ELAVL2: variants seen among roughly 807,000 people sequenced by gnomAD.
The protein encoded by ELAVL2 is ELAV like RNA binding protein 2.
A neutral mutation model predicts 34.6 loss-of-function variants in ELAVL2; 4 were observed. That is an observed-to-expected ratio of 0.12 (90% CI 0.06 to 0.26). The LOEUF is 0.26. ELAVL2 is among the 10% of genes least tolerant of loss of function. ELAVL2 has a pLI of 1.00. For synonymous variants in ELAVL2, 193 were observed against 154.8 expected (o/e 1.25, Z -1.83); for missense variants, 432 against 442.8 (o/e 0.98, Z 0.22).
chr9:23,832,393 A>C, the ELAVL2 span: 1 of 152,154 alleles, frequency 6.6e-6, no homozygotes, highest in Non-Finnish European at 1.5e-5. Flanking sequence ...TTCTTACCGC[A>C]CACTTTATAT....
At chr9:23,817,178 T>C (rs1250599042) in intron 1 of ELAVL2, among the ~76,000 whole-genome samples, 1 of 152,148 alleles carries the variant, frequency 6.6e-6, no homozygotes, top group African/African-American at 2.4e-5. Flanking sequence ...CTCCTATTCA[T>C]TTTCAGTCAG....
Position 23,704,910 on chromosome 9 carries a change from C to G in ELAVL2, c.487+8G>C, listed in dbSNP as rs754743473. The G allele has an allele frequency of 7.4e-6, 12 of 1,613,930 alleles. No individual in the cohort carries two copies. The highest frequency in any genetic ancestry group is 3.3e-5 in the South Asian group (3 of 91,070). ...GGGAAAGACTGTCCGGAGTGGCTGT[C>G]TACTTACCAGTGACCTGGTCGACAA... On this transcript the variant is annotated splice_region_variant and intron_variant, in intron 4 of 6. Transcript: ENST00000397312.
At chr9:23,716,978 T>C (rs540510587) in intron 3 of ELAVL2, among the ~76,000 whole-genome samples, 41 of 152,290 alleles carry the variant, frequency 2.7e-4, no homozygotes, top group African/African-American at 9.1e-4. Flanking sequence ...ACAATCTAAA[T>C]GTTGGTAAGT....
At chr9:23,742,405 CAT>C (rs1564209302) in intron 2 of ELAVL2, among the ~76,000 whole-genome samples, 1 of 152,170 alleles carries the variant, frequency 6.6e-6, no homozygotes, top group Non-Finnish European at 1.5e-5. Context: ...CAAAATTACA[CAT>C]GCCTTGTGAA....
At chr9:23,720,212 A>T (rs1335829978) in intron 3 of ELAVL2, among the ~76,000 whole-genome samples, 1 of 148,638 alleles carries the variant, frequency 6.7e-6, no homozygotes, top group Admixed American at 6.7e-5. Context: ...CCCTCTATCC[A>T]CCCAGGCTAG....
chr9:23,707,804 A>C (rs2133482845), intron 3 of ELAVL2, among the ~76,000 whole-genome samples: 1 of 152,268 alleles, frequency 6.6e-6, no homozygotes, highest in South Asian at 2.1e-4. Flanking sequence ...TATAAATATT[A>C]TTTACCTCTA....
chr9:23,721,046 A>T (rs944416903), intron 3 of ELAVL2, among the ~76,000 whole-genome samples: 1 of 152,204 alleles, frequency 6.6e-6, no homozygotes, highest in Non-Finnish European at 1.5e-5. Context: ...GGTTTCCTAG[A>T]TAGCTCATAA....
chr9:23,759,176 A>G (rs1023884446), intron 2 of ELAVL2, among the ~76,000 whole-genome samples: 1 of 152,238 alleles, frequency 6.6e-6, no homozygotes, highest in South Asian at 2.1e-4. Flanking sequence ...CCAAATGTCC[A>G]TCAACCAATA....
intron 2 of ELAVL2, among the ~76,000 whole-genome samples, chr9:23,739,505 T>C (rs1587945574): frequency 6.6e-6 from 1 of 152,256 alleles, no homozygotes; most frequent in Non-Finnish European, 1.5e-5. Context: ...CATTTCTTTG[T>C]TAATTATAAT....
intron 1 of ELAVL2, among the ~76,000 whole-genome samples, chr9:23,781,010 C>G (rs376021612): frequency 1.3e-5 from 2 of 152,190 alleles, no homozygotes; most frequent in African/African-American, 4.8e-5. Context: ...CAAAGACAAT[C>G]ACTGCTGGTC....
intron 3 of ELAVL2, among the ~76,000 whole-genome samples, chr9:23,729,658 A>C (rs940860618): frequency 7.9e-5 from 12 of 152,106 alleles, no homozygotes; most frequent in Non-Finnish European, 1.6e-4. Flanking sequence ...TTCTTGCTCA[A>C]GAAGTATCTA....
At chr9:23,838,203 T>C in the ELAVL2 span, among the ~76,000 whole-genome samples, 1 of 152,122 alleles carries the variant, frequency 6.6e-6, no homozygotes, top group Non-Finnish European at 1.5e-5. Flanking sequence ...GATTTATAGT[T>C]ACTTTTTTTT....
At chr9:23,719,082 T>C (rs2043022998) in intron 3 of ELAVL2, among the ~76,000 whole-genome samples, 1 of 152,088 alleles carries the variant, frequency 6.6e-6, no homozygotes, top group African/African-American at 2.4e-5. Context: ...CTGCAGAAAT[T>C]TAAAGAGGGG....
rs2032685601 is a variant in ELAVL2 at position 23,690,139 on chromosome 9, TG to T, written c.*2417del. The T allele has an allele frequency of 6.6e-6, 1 of 152,534 alleles. No homozygotes were observed. The highest frequency in any genetic ancestry group is 1.5e-5 in the Non-Finnish European group (1 of 68,014). 9.4% of individuals were successfully genotyped at this position (152,534 alleles called of 1,614,324 possible). A position where few individuals can be genotyped will look rare whatever the true frequency, so the allele number is the denominator to read the frequency against. On this transcript the variant is annotated 3_prime_UTR_variant, in exon 7 of 7. Coordinates refer to ENST00000397312, the MANE Select transcript of ELAVL2 (RefSeq NM_004432.5). ...ACTTTGTTTATTGATGTACTGAACA[TG>T]AAAAAGTACAAAGAATCCAAACACA... is the stretch of plus-strand genomic sequence containing the variant.
intron 2 of ELAVL2, among the ~76,000 whole-genome samples, chr9:23,753,506 T>C (rs890050364): frequency 2.0e-5 from 3 of 152,140 alleles, no homozygotes; most frequent in African/African-American, 7.2e-5. Context: ...CAAAAACAGG[T>C]TGATTTTGTA....
chr9:23,782,430 C>T (rs754994117), intron 1 of ELAVL2, among the ~76,000 whole-genome samples: 3 of 151,756 alleles, frequency 2.0e-5, no homozygotes, highest in African/African-American at 4.8e-5. Flanking sequence ...AAATTACAGG[C>T]GTGTGGTAGT....
intron 2 of ELAVL2, among the ~76,000 whole-genome samples, chr9:23,757,568 G>A (rs572269444): frequency 2.0e-5 from 3 of 151,530 alleles, no homozygotes; most frequent in African/African-American, 4.8e-5. Flanking sequence ...AATCCATTTC[G>A]TTCATCTAGA....
chr9:23,799,092 CAATT>C (rs2061297682), intron 1 of ELAVL2, among the ~76,000 whole-genome samples: 1 of 152,140 alleles, frequency 6.6e-6, no homozygotes, highest in African/African-American at 2.4e-5. Context: ...AATTATTACA[CAATT>C]AAGACAGACA....
chr9:23,800,874 C>T (rs1020822606), intron 1 of ELAVL2, among the ~76,000 whole-genome samples: 5 of 152,100 alleles, frequency 3.3e-5, no homozygotes, highest in African/African-American at 1.2e-4. Context: ...CTCAGAGGAT[C>T]CTATTCACAT....
Sources: allele counts gnomAD v4.1 joint callset (sites outside exome capture counted in the v4.1 genomes callset), GRCh38; gene constraint gnomAD v4.1.1; transcripts MANE v1.5; gene names NCBI Gene and HGNC (gene_info 2026-07-23, HGNC 2026-07-21).